RASGEF1A: variants seen among roughly 807,000 people sequenced by gnomAD.
RASGEF1A encodes the protein ras-GEF domain-containing family member 1A.
Under a neutral mutation model 56.4 loss-of-function variants are expected in RASGEF1A, and 18 were observed. The observed-to-expected ratio is 0.32, with a 90% confidence interval of 0.22 to 0.47. The LOEUF (loss-of-function observed/expected upper bound fraction) is 0.47, where lower values mean the gene tolerates loss of function less well. Among genes scored for constraint, RASGEF1A ranks in the 20% least tolerant of loss-of-function variants. RASGEF1A has a pLI of 1.00. For synonymous variants in RASGEF1A, 245 were observed against 242.6 expected (o/e 1.01, Z -0.09); for missense variants, 422 against 627.1 (o/e 0.67, Z 3.49).
At chr10:43,224,332 C>G (rs1840246032) in intron 1 of RASGEF1A, among the ~76,000 whole-genome samples, 1 of 152,148 alleles carries the variant, frequency 6.6e-6, no homozygotes, top group South Asian at 2.1e-4. Flanking sequence ...ATTCTTACCT[C>G]TGAAAATAGT....
chr10:43,225,106 GTGCC>G (rs1288569156), intron 1 of RASGEF1A, among the ~76,000 whole-genome samples: 1 of 151,592 alleles, frequency 6.6e-6, no homozygotes, highest in Non-Finnish European at 1.5e-5. Context: ...CTGCGTGTGT[GTGCC>G]TGCATGTGTC....
intron 1 of RASGEF1A, among the ~76,000 whole-genome samples, chr10:43,260,233 C>T (rs1836500796): frequency 6.6e-6 from 1 of 152,210 alleles, no homozygotes; most frequent in Non-Finnish European, 1.5e-5. Context: ...AGGCACATGA[C>T]TGTACACCAC....
intron 1 of RASGEF1A, among the ~76,000 whole-genome samples, chr10:43,241,162 G>A (rs1840493820): frequency 6.6e-6 from 1 of 152,054 alleles, no homozygotes; most frequent in African/African-American, 2.4e-5. Flanking sequence ...TAACTTTACT[G>A]GTTTTATATT....
chr10:43,227,891 G>A (rs1840302886), intron 1 of RASGEF1A, among the ~76,000 whole-genome samples: 1 of 152,124 alleles, frequency 6.6e-6, no homozygotes, highest in Non-Finnish European at 1.5e-5. Context: ...TCCAGGTGTT[G>A]CCTTCAGAAT....
intron 10 of RASGEF1A, among the ~76,000 whole-genome samples, chr10:43,197,699 AG>A (rs1754349107): frequency 6.6e-6 from 1 of 152,152 alleles, no homozygotes; most frequent in Admixed American, 6.5e-5. Context: ...CCAATCCCAC[AG>A]GGGTGGACAG....
intron 1 of RASGEF1A, among the ~76,000 whole-genome samples, chr10:43,244,096 C>G (rs1302481447): frequency 3.3e-5 from 5 of 152,202 alleles, no homozygotes; most frequent in East Asian, 1.9e-4. Context: ...CCCCAACCCC[C>G]TGCTCTCTGA....
chr10:43,228,476 G>T (rs1840312183), intron 1 of RASGEF1A, among the ~76,000 whole-genome samples: 1 of 152,166 alleles, frequency 6.6e-6, no homozygotes, highest in Admixed American at 6.5e-5. Flanking sequence ...TACTGGGCTG[G>T]GGCATTTAAA....
intron 1 of RASGEF1A, among the ~76,000 whole-genome samples, chr10:43,225,259 G>T (rs1840261018): frequency 1.1e-5 from 1 of 90,542 alleles, no homozygotes; most frequent in Non-Finnish European, 2.3e-5. Flanking sequence ...GGGGTCTGTG[G>T]GGGGGGGGTC....
chr10:43,248,257 G>A (rs1427980049), intron 1 of RASGEF1A, among the ~76,000 whole-genome samples: 3 of 151,308 alleles, frequency 2.0e-5, no homozygotes, highest in African/African-American at 7.3e-5. Context: ...TTGGGAGGCT[G>A]AGCCCAGAGA....
chr10:43,249,554 C>T (rs1454113483), intron 1 of RASGEF1A, among the ~76,000 whole-genome samples: 1 of 152,230 alleles, frequency 6.6e-6, no homozygotes, highest in East Asian at 1.9e-4. Context: ...GCTCTGCTCC[C>T]CCAGGCACAC....
intron 1 of RASGEF1A, among the ~76,000 whole-genome samples, chr10:43,265,695 C>G (rs372822596): frequency 6.6e-6 from 1 of 152,240 alleles, no homozygotes; most frequent in Non-Finnish European, 1.5e-5. Context: ...GTCTCAGAAG[C>G]CTGCAGCCTG....
chr10:43,207,829 C>T, intron 1 of RASGEF1A: 1 of 563,776 alleles, frequency 1.8e-6, no homozygotes, highest in Non-Finnish European at 2.2e-6. Context: ...CTGATGTGAG[C>T]CAATCCTTCA....
At chr10:43,230,165 G>T (rs1840346859) in intron 1 of RASGEF1A, among the ~76,000 whole-genome samples, 1 of 152,346 alleles carries the variant, frequency 6.6e-6, no homozygotes, top group East Asian at 1.9e-4. Context: ...CGTCCACTAC[G>T]GAACTACAGC....
chr10:43,263,497 C>T (rs1836571964), intron 1 of RASGEF1A, among the ~76,000 whole-genome samples: 1 of 152,202 alleles, frequency 6.6e-6, no homozygotes, highest in African/African-American at 2.4e-5. Flanking sequence ...TTGCATCCCA[C>T]GTATGAAGTG....
chr10:43,207,133 A>C, intron 1 of RASGEF1A: 1 of 985,492 alleles, frequency 1.0e-6, no homozygotes, highest in East Asian at 1.1e-4. Flanking sequence ...CCTGAGGGCC[A>C]GAGGTGGCCT....
At chr10:43,261,600 C>T (rs1836529812) in intron 1 of RASGEF1A, among the ~76,000 whole-genome samples, 1 of 152,238 alleles carries the variant, frequency 6.6e-6, no homozygotes, top group Admixed American at 6.5e-5. Context: ...ACCCCCAGAA[C>T]TCCCAACCTC....
intron 1 of RASGEF1A, among the ~76,000 whole-genome samples, chr10:43,236,492 C>T (rs113057844): frequency 1.3e-5 from 2 of 152,238 alleles, no homozygotes; most frequent in South Asian, 2.1e-4. Flanking sequence ...TCTGCACCTG[C>T]GCCTATAAAA....
intron 1 of RASGEF1A, among the ~76,000 whole-genome samples, chr10:43,262,274 T>C (rs1009807526): frequency 3.3e-5 from 5 of 152,096 alleles, no homozygotes; most frequent in African/African-American, 1.2e-4. Context: ...GTTAACAGCG[T>C]TGCCATGGCA....
At chr10:43,206,941 A>G in intron 1 of RASGEF1A, 1 of 985,470 alleles carries the variant, frequency 1.0e-6, no homozygotes, top group East Asian at 1.1e-4. Flanking sequence ...CCACACTGGG[A>G]CTGTCCTCCA....
Sources: allele counts gnomAD v4.1 joint callset (sites outside exome capture counted in the v4.1 genomes callset), GRCh38; gene constraint gnomAD v4.1.1; transcripts MANE v1.5; gene names NCBI Gene and HGNC (gene_info 2026-07-23, HGNC 2026-07-21).